Variants in KAZN observed in about 807,000 individuals in gnomAD.
KAZN encodes the protein kazrin.
Under a neutral mutation model 87.4 loss-of-function variants are expected in KAZN, and 40 were observed. The observed-to-expected ratio is 0.46, with a 90% CI of 0.36 to 0.60. The LOEUF (loss-of-function observed/expected upper bound fraction) is 0.60, where lower values mean the gene tolerates loss of function less well. KAZN is among the 20% of genes least tolerant of loss of function. The pLI, the probability that KAZN is intolerant of heterozygous loss-of-function variation, is 0.00. For synonymous variants in KAZN, 466 were observed against 458.3 expected (o/e 1.02, Z -0.22); for missense variants, 898 against 1,073.9 (o/e 0.84, Z 2.29).
chr1:14,261,788 A>G (rs1651036288), intron 2 of KAZN, among the ~76,000 whole-genome samples: 1 of 152,000 alleles, frequency 6.6e-6, no homozygotes. Context: ...TTGTTCCTGA[A>G]GTCTGTCTTG....
At chr1:14,365,284 T>C (rs1007997613) in intron 2 of KAZN, among the ~76,000 whole-genome samples, 1 of 151,300 alleles carries the variant, frequency 6.6e-6, no homozygotes, top group African/African-American at 2.4e-5. Flanking sequence ...CCTGACCTCA[T>C]GATCCGCCCG....
intron 1 of KAZN, among the ~76,000 whole-genome samples, chr1:14,937,773 C>T (rs1660621295): frequency 6.6e-6 from 1 of 152,216 alleles, no homozygotes; most frequent in Non-Finnish European, 1.5e-5. Flanking sequence ...TCAGTCTTCC[C>T]AGTGGGAGTC....
upstream of KAZN, chr1:14,598,657 T>C (rs1323885828): frequency 1.6e-5 from 19 of 1,213,584 alleles, no homozygotes; most frequent in Non-Finnish European, 1.8e-5. This position sits in a 1 kb window ranked among gnomAD's most constrained non-coding sequence, Gnocchi z 4.2. Context: ...AGGCTCCATT[T>C]AAAGAGTGCC....
chr1:14,539,617 G>A (rs1672694641), intron 2 of KAZN, among the ~76,000 whole-genome samples: 1 of 152,052 alleles, frequency 6.6e-6, no homozygotes, highest in African/African-American at 2.4e-5. Context: ...ACTTTAGAGT[G>A]GTTCATAAGA....
intron 1 of KAZN, among the ~76,000 whole-genome samples, chr1:14,799,167 T>G (rs973157242): frequency 1.3e-5 from 2 of 152,232 alleles, no homozygotes; most frequent in African/African-American, 2.4e-5. Context: ...GCATTGTTTG[T>G]TACTGCGGTA....
chr1:14,407,814 G>A (rs1663988394), intron 2 of KAZN, among the ~76,000 whole-genome samples: 1 of 152,128 alleles, frequency 6.6e-6, no homozygotes, highest in Admixed American at 6.5e-5. Flanking sequence ...GCTTATGGTA[G>A]GTCTTAAGTT....
chr1:14,940,288 C>T (rs1660903196), intron 1 of KAZN, among the ~76,000 whole-genome samples: 1 of 152,244 alleles, frequency 6.6e-6, no homozygotes, highest in Non-Finnish European at 1.5e-5. Context: ...CTCACTTCCT[C>T]TCCAGGCAAC....
At chr1:14,066,359 G>A (rs975902589) in intron 1 of KAZN, among the ~76,000 whole-genome samples, 3 of 152,186 alleles carry the variant, frequency 2.0e-5, no homozygotes, top group Middle Eastern at 3.4e-3. Flanking sequence ...CGGATCGAAC[G>A]GTAGATCTAC....
chr1:14,725,016 G>A (rs1354973115), intron 1 of KAZN, among the ~76,000 whole-genome samples: 1 of 152,194 alleles, frequency 6.6e-6, no homozygotes, highest in Admixed American at 6.5e-5. Flanking sequence ...CATAAGAGAT[G>A]GTTGTGAAAA....
chr1:14,794,887 T>C (rs1454615183), intron 1 of KAZN, among the ~76,000 whole-genome samples: 1 of 152,188 alleles, frequency 6.6e-6, no homozygotes, highest in East Asian at 1.9e-4. Context: ...ACGGCTAGGA[T>C]AAAAGCAGGC....
rs187833161 is a variant in KAZN at position 15,071,278 on chromosome 1, G to C, written c.1222+5525G>C. On this transcript the variant is annotated intron_variant, in intron 8 of 14. Transcript: ENST00000376030. ...CTTTTTTTTTCTTTTTTGAGGCAGA[G>C]TCTCACTCTGTCGCCCAGGCTGGAG... Among the ~76,000 whole-genome samples the C allele has an allele frequency of 1.4e-3, 212 of 151,900 alleles. 2 individuals are homozygous for C. The highest frequency in any genetic ancestry group is 4.9e-3 in the African/African-American group (204 of 41,400).
intron 1 of KAZN, among the ~76,000 whole-genome samples, chr1:14,179,705 C>A (rs770702115): frequency 4.6e-5 from 7 of 152,168 alleles, no homozygotes; most frequent in Non-Finnish European, 1.0e-4. Context: ...ATTAATTCAA[C>A]AGTATTTATT....
At chr1:14,137,194 T>C (rs558566280) in intron 1 of KAZN, among the ~76,000 whole-genome samples, 94 of 152,286 alleles carry the variant, frequency 6.2e-4, no homozygotes, top group African/African-American at 2.2e-3. Context: ...CTTAGGAATA[T>C]GCTTGGGTGG....
chr1:14,786,038 TC>T (rs138073409), intron 1 of KAZN, among the ~76,000 whole-genome samples: 2,596 of 152,268 alleles, frequency 0.017, 41 homozygotes, highest in African/African-American at 0.044. Context: ...TCCAGTGACC[TC>T]CTTATGGGTG....
At chr1:15,053,344 C>T (rs1025753257) in intron 4 of KAZN, among the ~76,000 whole-genome samples, 1 of 152,132 alleles carries the variant, frequency 6.6e-6, no homozygotes, top group Non-Finnish European at 1.5e-5. Flanking sequence ...TACAGAGGCT[C>T]GAGACACACC....
At chr1:14,493,061 T>C (rs962545390) in intron 2 of KAZN, among the ~76,000 whole-genome samples, 1 of 152,000 alleles carries the variant, frequency 6.6e-6, no homozygotes, top group Non-Finnish European at 1.5e-5. Context: ...CTCAGGCCTG[T>C]TGGAATGTCA....
chr1:14,979,398 G>C (rs1666005407), intron 2 of KAZN, among the ~76,000 whole-genome samples: 1 of 151,922 alleles, frequency 6.6e-6, no homozygotes, highest in Non-Finnish European at 1.5e-5. Flanking sequence ...GGCAGAGGGA[G>C]ACTTCCTCTC....
chr1:14,108,593 A>G (rs1644430491), intron 1 of KAZN, among the ~76,000 whole-genome samples: 1 of 152,128 alleles, frequency 6.6e-6, no homozygotes, highest in Non-Finnish European at 1.5e-5. Context: ...TTTCTAAATG[A>G]TGGTCATTCC....
At position 14,568,497 on chromosome 1, in the gene KAZN, C is replaced by A. The variant is rs140406191; in HGVS notation, c.250-30486C>A. Among the ~76,000 whole-genome samples, 871 of 152,256 alleles carry A rather than the reference C, an allele frequency of 5.7e-3. 15 individuals carry two copies. The highest frequency in any genetic ancestry group is 0.02 in the African/African-American group (841 of 41,552). On this transcript the variant is annotated intron_variant, in intron 2 of 16. Coordinates refer to the KAZN transcript ENST00000636203. ...AAGGCATGTATTATATGGTGACAGGCAAGAGAGAACATGTGCAGGGGAACT... is the reference window on the plus strand; with the variant it reads ...AAGGCATGTATTATATGGTGACAGGAAAGAGAGAACATGTGCAGGGGAACT...
Sources: allele counts gnomAD v4.1 joint callset (sites outside exome capture counted in the v4.1 genomes callset), GRCh38; gene constraint gnomAD v4.1.1; non-coding constraint Gnocchi (gnomAD v3.1); transcripts MANE v1.5; gene names NCBI Gene and HGNC (gene_info 2026-07-23, HGNC 2026-07-21).